The following CAMK1D variants were observed in gnomAD, a reference collection of about 807,000 sequenced individuals.
The protein encoded by CAMK1D is calcium/calmodulin dependent protein kinase ID.
Under a neutral mutation model 47.7 loss-of-function variants are expected in CAMK1D, and 9 were observed. The observed-to-expected ratio is 0.19, with a 90% confidence interval of 0.11 to 0.33. The LOEUF (loss-of-function observed/expected upper bound fraction) is 0.33. CAMK1D is among the 10% of genes least tolerant of loss of function. The pLI, the probability that CAMK1D is intolerant of heterozygous loss-of-function variation, is 1.00. For synonymous variants in CAMK1D, 184 were observed against 184.9 expected (o/e 0.99, Z 0.04); for missense variants, 291 against 488.7 (o/e 0.60, Z 3.81).
chr10:12,559,097 T>C (rs10795964), intron 2 of CAMK1D, among the ~76,000 whole-genome samples: 71,221 of 151,650 alleles, frequency 0.47, 18,015 homozygotes, highest in Non-Finnish European at 0.58. Flanking sequence ...TGTCTGAGGC[T>C]GGGAGTTCAA....
chr10:12,732,660 A>T (rs1228079896), intron 3 of CAMK1D, among the ~76,000 whole-genome samples: 1 of 140,390 alleles, frequency 7.1e-6, no homozygotes, highest in Non-Finnish European at 1.5e-5. Context: ...CCCATTATTC[A>T]ATTACCCCCG....
chr10:12,782,202 A>G (rs886865068), intron 5 of CAMK1D, among the ~76,000 whole-genome samples: 3 of 152,174 alleles, frequency 2.0e-5, no homozygotes, highest in Admixed American at 6.5e-5. Flanking sequence ...ACTTGCCAAC[A>G]GTCTGGATTG....
intron 3 of CAMK1D, among the ~76,000 whole-genome samples, chr10:12,675,030 C>CAA (rs771350871): frequency 0.036 from 1,918 of 53,076 alleles, 88 homozygotes; most frequent in African/African-American, 0.11. Flanking sequence ...GACTCCATCT[C>CAA]AAAAAAAAAA....
intron 1 of CAMK1D, among the ~76,000 whole-genome samples, chr10:12,407,681 T>C (rs1839488083): frequency 6.6e-6 from 1 of 152,076 alleles, no homozygotes; most frequent in Non-Finnish European, 1.5e-5. Context: ...TAGGAGGAGA[T>C]TTACTTTCCC....
intron 1 of CAMK1D, among the ~76,000 whole-genome samples, chr10:12,506,836 C>T (rs1317249441): frequency 6.6e-6 from 1 of 152,168 alleles, no homozygotes; most frequent in African/African-American, 2.4e-5. Context: ...TTCATGCCCA[C>T]CTAGCCCTTG....
chr10:12,651,332 C>T, intron 2 of CAMK1D, among the ~76,000 whole-genome samples: 1 of 152,210 alleles, frequency 6.6e-6, no homozygotes, highest in East Asian at 1.9e-4. Flanking sequence ...TGTGTATGCG[C>T]ACATCTCCGC....
At chr10:12,535,268 G>T (rs1245185575) in intron 1 of CAMK1D, among the ~76,000 whole-genome samples, 1 of 152,190 alleles carries the variant, frequency 6.6e-6, no homozygotes, top group African/African-American at 2.4e-5. Context: ...GCTAACGCCA[G>T]CTGTGGCTCC....
At chr10:12,749,550 TTTTGTTTGTTTG>T (rs200753252) in intron 3 of CAMK1D, among the ~76,000 whole-genome samples, 13 of 135,632 alleles carry the variant, frequency 9.6e-5, no homozygotes, top group Middle Eastern at 3.8e-3. Flanking sequence ...TTTGTTTGTT[TTTTGTTTGTTTG>T]TTTGTTTGTT....
At position 12,647,689 on chromosome 10, in the gene CAMK1D, G is replaced by A. The variant is rs371514297; in HGVS notation, c.225-19047G>A. 2.0e-5 allele frequency among the ~76,000 whole-genome samples: 3 copies of A among 152,260 alleles called. No homozygotes were observed. In the East Asian group the frequency reaches 5.8e-4, roughly 29 times the overall value. On this transcript the variant is annotated intron_variant, in intron 2 of 10. Coordinates refer to ENST00000619168, the MANE Select transcript of CAMK1D (RefSeq NM_153498.4). ...CCCTGCTTTAGGAGATTCTGTCCTG[G>A]CCATGAGCCAGCCATGCCCTTCCCA... is the stretch of plus-strand genomic sequence containing the variant.
intron 1 of CAMK1D, among the ~76,000 whole-genome samples, chr10:12,373,956 CAAAAAAAA>C (rs35008954): frequency 2.3e-5 from 2 of 86,120 alleles, no homozygotes; most frequent in East Asian, 6.8e-4. Context: ...CACTCTTTAT[CAAAAAAAA>C]AAAAAAAAAA....
At chr10:12,456,100 T>C (rs1833234871) in intron 1 of CAMK1D, among the ~76,000 whole-genome samples, 1 of 152,218 alleles carries the variant, frequency 6.6e-6, no homozygotes, top group Admixed American at 6.5e-5. Flanking sequence ...AGGCACCATT[T>C]TCTCATTATA....
chr10:12,452,071 C>T (rs182747172), intron 1 of CAMK1D, among the ~76,000 whole-genome samples: 2 of 152,092 alleles, frequency 1.3e-5, no homozygotes, highest in Non-Finnish European at 2.9e-5. Flanking sequence ...AGGAGAGTCT[C>T]GTGGAGCAGG....
intron 2 of CAMK1D, among the ~76,000 whole-genome samples, chr10:12,653,456 C>A (rs983645244): frequency 1.3e-5 from 2 of 152,236 alleles, no homozygotes; most frequent in Non-Finnish European, 2.9e-5. Context: ...CTAATTCATT[C>A]CCAACATATG....
chr10:12,414,359 G>A lies in CAMK1D; in HGVS notation c.92+64449G>A, dbSNP rs566679611. On this transcript the variant is annotated intron_variant, in intron 1 of 10. Transcript: ENST00000619168. ...AAGAAGACAGCATTTGTGTACAGTA[G>A]CTATATTAGTTGTGACATGTTTCAT... 9.8e-5 allele frequency among the ~76,000 whole-genome samples: 15 copies of A among 152,304 alleles called. No homozygotes were observed. In the South Asian group the frequency reaches 2.5e-3, roughly 25 times the overall value.
intron 3 of CAMK1D, among the ~76,000 whole-genome samples, chr10:12,681,913 C>A (rs1832455072): frequency 1.3e-5 from 2 of 152,288 alleles, no homozygotes; most frequent in South Asian, 4.1e-4. Flanking sequence ...ATGATGAGAG[C>A]TTAAATGATG....
rs534189201 is a variant in CAMK1D, at chr10:12,385,057, C to T, written c.92+35147C>T. ...GCAAATCAAAACCACAATTAGATGTCACTTCATACCCGCTAGGATGACTGT... is the reference window on the plus strand; with the variant it reads ...GCAAATCAAAACCACAATTAGATGTTACTTCATACCCGCTAGGATGACTGT... On this transcript the variant is annotated intron_variant, in intron 1 of 10. Transcript: ENST00000619168. 2.6e-4 allele frequency among the ~76,000 whole-genome samples: 40 copies of T among 152,308 alleles called. No individual in the cohort carries two copies. In the South Asian group the frequency reaches 7.9e-3, roughly 30 times the overall value.
chr10:12,375,738 A>G (rs1838158419), intron 1 of CAMK1D, among the ~76,000 whole-genome samples: 2 of 152,056 alleles, frequency 1.3e-5, no homozygotes, highest in Admixed American at 1.3e-4. Context: ...CTCCTCTCAA[A>G]CACGGCTTGT....
chr10:12,684,917 G>A (rs1021249421), intron 3 of CAMK1D, among the ~76,000 whole-genome samples: 5 of 152,174 alleles, frequency 3.3e-5, no homozygotes, highest in African/African-American at 1.2e-4. Context: ...AGAATTGGAG[G>A]AGAACAGCTG....
intron 2 of CAMK1D, chr10:12,578,787 G>A (rs1837573640): frequency 6.5e-6 from 1 of 154,128 alleles, no homozygotes; most frequent in Non-Finnish European, 1.5e-5. Context: ...GGCCACCCAG[G>A]GAGTAAGTAG....
Sources: allele counts gnomAD v4.1 joint callset (sites outside exome capture counted in the v4.1 genomes callset), GRCh38; gene constraint gnomAD v4.1.1; transcripts MANE v1.5; gene names NCBI Gene and HGNC (gene_info 2026-07-23, HGNC 2026-07-21).